Variants in ACBD6 observed in about 807,000 individuals in gnomAD.
ACBD6 encodes the protein acyl-CoA binding domain containing 6, also known as acyl-CoA-binding domain-containing protein 6.
ACBD6 carries 28 observed loss-of-function variants against 37.2 expected under a neutral mutation model. The ratio of observed to expected loss-of-function variants is 0.75; its 90% CI spans 0.56 to 1.03. ACBD6 has a LOEUF of 1.03. Among genes scored for constraint, ACBD6 ranks in the 50% least tolerant of loss-of-function variants. The pLI is 0.00. For synonymous variants in ACBD6, 113 were observed against 126.8 expected (o/e 0.89, Z 0.73); for missense variants, 340 against 337.4 (o/e 1.01, Z -0.06).
chr1:180,303,993 C>G (rs1400306955), intron 7 of ACBD6, among the ~76,000 whole-genome samples: 1 of 150,804 alleles, frequency 6.6e-6, no homozygotes, highest in Non-Finnish European at 1.5e-5. Context: ...TAAACAGAAC[C>G]AATGACAAAA....
chr1:180,439,896 TCA>T (rs1278282319), intron 3 of ACBD6, among the ~76,000 whole-genome samples: 1 of 152,208 alleles, frequency 6.6e-6, no homozygotes, highest in Non-Finnish European at 1.5e-5. Context: ...AACTGGAAGT[TCA>T]GTGATCTTTT....
intron 3 of ACBD6, among the ~76,000 whole-genome samples, chr1:180,482,409 T>G (rs550130759): frequency 1.3e-5 from 2 of 151,896 alleles, no homozygotes; most frequent in African/African-American, 4.8e-5. Context: ...CAAATAACAA[T>G]GGATGCTAGT....
intron 6 of ACBD6, among the ~76,000 whole-genome samples, chr1:180,346,364 T>A (rs756902707): frequency 1.3e-5 from 2 of 152,196 alleles, no homozygotes; most frequent in African/African-American, 4.8e-5. Context: ...GTGCTTGTGG[T>A]AGGCAGAAAT....
At chr1:180,450,962 T>C (rs929960711) in intron 3 of ACBD6, among the ~76,000 whole-genome samples, 17 of 152,280 alleles carry the variant, frequency 1.1e-4, no homozygotes, top group African/African-American at 3.6e-4. Flanking sequence ...TCTTCACAAA[T>C]AGTAAATTTC....
chr1:180,356,924 G>A (rs1652654032), intron 6 of ACBD6, among the ~76,000 whole-genome samples: 1 of 151,364 alleles, frequency 6.6e-6, no homozygotes, highest in Admixed American at 6.6e-5. Flanking sequence ...ATTCCTTATG[G>A]TTACACTTCT....
At chr1:180,382,672 T>C (rs6425628) in intron 6 of ACBD6, among the ~76,000 whole-genome samples, 151,990 of 152,296 alleles carry the variant, frequency 1, 75,842 homozygotes, top group East Asian at 1. Flanking sequence ...TAAAAAAAAC[T>C]TAAAGAGGAA....
rs542633788 is a variant in ACBD6, at chr1:180,325,146, G to A, written c.664-10424C>T. ...AATGTTGGTATCTTTTTCTAGATTT[G>A]GGAAGTTCTCTGACACTATCCCTCT... On this transcript the variant is annotated intron_variant, in intron 6 of 7. Transcript: ENST00000367595. Among the ~76,000 whole-genome samples, 9 of 152,044 alleles carry A rather than the reference G, an allele frequency of 5.9e-5. No individual in the cohort carries two copies. In the South Asian group the frequency reaches 1.9e-3, roughly 32 times the overall value.
intron 6 of ACBD6, among the ~76,000 whole-genome samples, chr1:180,376,837 C>CA (rs1172559588): frequency 6.6e-6 from 1 of 152,038 alleles, no homozygotes; most frequent in Non-Finnish European, 1.5e-5. Context: ...AGATACCCCC[C>CA]AAATAAACAA....
intron 3 of ACBD6, among the ~76,000 whole-genome samples, chr1:180,483,233 G>A (rs1377705780): frequency 1.3e-5 from 2 of 151,966 alleles, no homozygotes; most frequent in African/African-American, 4.8e-5. Context: ...CCCCCTGTAT[G>A]GCTCATTCTT....
chr1:180,466,062 T>A (rs578152763), intron 3 of ACBD6, among the ~76,000 whole-genome samples: 71 of 152,158 alleles, frequency 4.7e-4, no homozygotes, highest in Non-Finnish European at 7.6e-4. Flanking sequence ...AATACCTGAG[T>A]GATGTAATAA....
intron 1 of ACBD6, among the ~76,000 whole-genome samples, chr1:180,500,549 T>C (rs1651922493): frequency 6.7e-6 from 1 of 150,198 alleles, no homozygotes; most frequent in Non-Finnish European, 1.5e-5. Context: ...AAGAAATTAG[T>C]TGGGCATGGC....
intron 4 of ACBD6, 98 bp downstream of exon 4, chr1:180,430,082 A>AT (rs1166735703): frequency 3.0e-6 from 3 of 997,640 alleles, no homozygotes; most frequent in Non-Finnish European, 4.6e-6. Context: ...TTAAAAATAT[A>AT]TAGTACACAT....
chr1:180,369,506 G>A (rs986830008), intron 6 of ACBD6, among the ~76,000 whole-genome samples: 1 of 152,172 alleles, frequency 6.6e-6, no homozygotes, highest in African/African-American at 2.4e-5. Flanking sequence ...GAGAGACACA[G>A]AGAGATGATT....
intron 3 of ACBD6, among the ~76,000 whole-genome samples, chr1:180,484,793 C>T (rs573431135): frequency 1.4e-3 from 207 of 152,094 alleles, no homozygotes; most frequent in Admixed American, 3.3e-3. Flanking sequence ...TGGCTGGGCG[C>T]GGTGGCTCAC....
intron 6 of ACBD6, among the ~76,000 whole-genome samples, chr1:180,389,222 A>T (rs1343921458): frequency 6.6e-6 from 1 of 152,168 alleles, no homozygotes; most frequent in East Asian, 1.9e-4. Flanking sequence ...TCATTGTTCA[A>T]TTCCCACCTA....
chr1:180,302,108 C>G (rs1650152856), intron 7 of ACBD6, among the ~76,000 whole-genome samples: 1 of 151,678 alleles, frequency 6.6e-6, no homozygotes, highest in African/African-American at 2.4e-5. Context: ...ATGGCTGCAG[C>G]ACACAAACAT....
intron 6 of ACBD6, among the ~76,000 whole-genome samples, chr1:180,340,416 G>C (rs1245328634): frequency 6.6e-6 from 1 of 152,010 alleles, no homozygotes; most frequent in Non-Finnish European, 1.5e-5. Context: ...TTCCTGATAA[G>C]AACAGGAAGA....
At chr1:180,360,336 C>T (rs1369003813) in intron 6 of ACBD6, among the ~76,000 whole-genome samples, 2 of 152,196 alleles carry the variant, frequency 1.3e-5, no homozygotes, top group Non-Finnish European at 2.9e-5. Flanking sequence ...TTAGGATGCT[C>T]TCAGATGTTA....
rs754637944 is a variant in ACBD6 at position 180,502,291 on chromosome 1, T to C, written c.-25A>G. On this transcript the variant is annotated 5_prime_UTR_variant, in exon 1 of 8. Coordinates refer to ENST00000367595, the MANE Select transcript of ACBD6 (RefSeq NM_032360.4). Reference sequence around the variant, plus strand: ...TGTCTCCTTGCTCGCTCCGTCCCTCTGTGTCCGGTCTGTCCTCCTTGGATT... The same window carrying C: ...TGTCTCCTTGCTCGCTCCGTCCCTCCGTGTCCGGTCTGTCCTCCTTGGATT... 1.2e-6 allele frequency: 2 copies of C among 1,610,846 alleles called. No homozygotes were observed. Among genetic ancestry groups the C allele is most frequent in the South Asian group, 2.2e-5 (2 of 90,864 alleles).
Sources: allele counts gnomAD v4.1 joint callset (sites outside exome capture counted in the v4.1 genomes callset), GRCh38; gene constraint gnomAD v4.1.1; transcripts MANE v1.5; gene names NCBI Gene and HGNC (gene_info 2026-07-23, HGNC 2026-07-21).